The following ASB10 variants were observed in gnomAD, a reference collection of about 807,000 sequenced individuals.
ASB10 encodes ankyrin repeat and SOCS box protein 10.
Under a neutral mutation model 35.4 loss-of-function variants are expected in ASB10, and 44 were observed. The ratio of observed to expected loss-of-function variants is 1.24; its 90% CI spans 0.98 to 1.60. The LOEUF (loss-of-function observed/expected upper bound fraction) is 1.60, where lower values mean the gene tolerates loss of function less well. ASB10 is among the 40% of genes most tolerant of loss of function. ASB10 has a pLI of 0.00. For synonymous variants in ASB10, 294 were observed against 280.4 expected (o/e 1.05, Z -0.49); for missense variants, 647 against 634.3 (o/e 1.02, Z -0.22).
intron 2 of ASB10, 90 bp from the exon 3 acceptor site, chr7:151,181,548 A>G: frequency 6.9e-7 from 1 of 1,440,238 alleles, no homozygotes; most frequent in Non-Finnish European, 9.1e-7. Context: ...GTCTCCCCCC[A>G]CCCACCCTCC....
upstream of ASB10, chr7:151,187,457 T>C: frequency 6.4e-7 from 1 of 1,551,290 alleles, no homozygotes. The surrounding 1 kb of genome is among the most constrained non-coding windows in gnomAD (Gnocchi z 5.3). Flanking sequence ...CTCACCCCTC[T>C]GGTGGCTGCT....
intron 3 of ASB10, 75 bp from the exon 4 acceptor site, chr7:151,176,751 G>C (rs1158065453): frequency 9.2e-7 from 1 of 1,085,908 alleles, no homozygotes; most frequent in African/African-American, 1.6e-5. Context: ...TAGTTGTTGT[G>C]GGTTGAACTT....
intron 3 of ASB10, among the ~76,000 whole-genome samples, chr7:151,179,718 T>A (rs549305899): frequency 6.6e-6 from 1 of 152,260 alleles, no homozygotes; most frequent in Non-Finnish European, 1.5e-5. Context: ...GCCCCTTTGG[T>A]CCCAGAGACA....
In ASB10 at chr7:151,175,877, C is replaced by T; in HGVS notation, c.*90G>A. The stretch of plus-strand genomic sequence containing the variant: ...GCCTGCGGAGCTGGGCCTCCTGCTG[C>T]CAGGGCTACCTGGCCTGAGTTAGTG... On this transcript the variant is annotated 3_prime_UTR_variant, in exon 6 of 6. Transcript: ENST00000420175. 1 of 522,470 alleles carries T rather than the reference C, an allele frequency of 1.9e-6. No homozygotes were observed. The highest frequency in any genetic ancestry group is 3.4e-5 in the East Asian group (1 of 29,494). 32.4% of individuals were successfully genotyped at this position (522,470 alleles called of 1,614,324 possible). A position where few individuals can be genotyped will look rare whatever the true frequency, so the allele number is the denominator to read the frequency against.
chr7:151,184,387 T>C lies in ASB10; in HGVS notation c.584+2005A>G, dbSNP rs550451541. Among the ~76,000 whole-genome samples the C allele has an allele frequency of 8.3e-5, 12 of 144,722 alleles. No individual in the cohort carries two copies. In the South Asian group the frequency reaches 2.6e-3, roughly 32 times the overall value. 94.9% of individuals were successfully genotyped at this position (144,722 alleles called of 152,430 possible). On this transcript the variant is annotated intron_variant, in intron 2 of 5. Coordinates refer to ENST00000420175, the MANE Select transcript of ASB10 (RefSeq NM_001142459.2). ...GATATCACGCCACTGCACTCCAGCC[T>C]GGGCGACAGAGTAAAAAAAAAAAAA...
At chr7:151,187,760 G>A (rs892866398), upstream of ASB10, 4 of 1,450,464 alleles carry the variant, frequency 2.8e-6, no homozygotes, top group Non-Finnish European at 2.7e-6. This position sits in a 1 kb window ranked among gnomAD's most constrained non-coding sequence, Gnocchi z 5.3. Context: ...ACGACTCCCA[G>A]CGATGTTGCT....
chr7:151,181,414 C>T lies in ASB10; in HGVS notation c.629G>A (p.Arg210Gln), dbSNP rs748235039. The T allele has an allele frequency of 4.0e-5, 65 of 1,608,872 alleles. 1 individual carries two copies. In the Middle Eastern group the frequency reaches 4.9e-4, roughly 12 times the overall value. The change falls in exon 3 of 6, where the codon CGG (arginine) becomes CAG (glutamine). Residue 210 changes from arginine to glutamine, a missense_variant. Transcript: ENST00000420175. ...AGGGGTCTCCTCTTCTTCCTCGGAC[C>T]GACCATCCACTCTCGCTCCAAACCT... ...LLRFGARVDG[R>Q]SEEEEETPLH... is the part of the protein sequence containing the mutation.
Position 151,181,043 on chromosome 7 carries a change from C to A in ASB10, c.1000G>T (p.Ala334Ser). 6.2e-7 allele frequency: 1 copy of A among 1,611,392 alleles called. No homozygotes were observed. Among genetic ancestry groups the A allele is most frequent in the South Asian group, 1.1e-5 (1 of 91,060 alleles). ...DYGGHTPLHC[A>S]LQGPAAALAQ... is the part of the protein sequence containing the mutation. ...AGGGCTGCAGCTGGGCCCTGCAGAG[C>A]ACAGTGCAGGGGCGTGTGTCCCCCA... Residue 334 changes from alanine to serine, a missense_variant, in exon 3 of 6, where the codon GCT becomes TCT. Coordinates refer to ENST00000420175, the MANE Select transcript of ASB10 (RefSeq NM_001142459.2).
intron 3 of ASB10, among the ~76,000 whole-genome samples, chr7:151,180,378 T>C (rs1051092153): frequency 3.9e-4 from 60 of 152,314 alleles, no homozygotes; most frequent in African/African-American, 1.3e-3. Context: ...GTGGGTCCTA[T>C]TAGATTCTCA....
At chr7:151,183,735 G>A (rs192226434) in intron 2 of ASB10, among the ~76,000 whole-genome samples, 38 of 152,166 alleles carry the variant, frequency 2.5e-4, no homozygotes, top group Middle Eastern at 6.8e-3. Context: ...ACAGGTGCCC[G>A]CCACCATGTC....
intron 3 of ASB10, among the ~76,000 whole-genome samples, chr7:151,179,211 C>T (rs2150556241): frequency 6.6e-6 from 1 of 152,306 alleles, no homozygotes; most frequent in Middle Eastern, 3.4e-3. Flanking sequence ...ATGAAGAAGG[C>T]ATAGTATCAT....
Position 151,180,939 on chromosome 7 carries a change from C to T in ASB10, c.1104G>A (p.Lys368=), listed in dbSNP as rs1050716104. 1.1e-5 allele frequency: 17 copies of T among 1,525,020 alleles called. No homozygotes were observed. Among genetic ancestry groups the T allele is most frequent in the Non-Finnish European group, 1.4e-5 (16 of 1,133,352 alleles). 94.5% of individuals were successfully genotyped at this position (1,525,020 alleles called of 1,614,324 possible). ...AVRVWPGALP[K]VLERWSTCPR... is the part of the protein sequence containing the mutation. ...CTCCTGCTGCCTGCAGCCCCCATAC[C>T]TTGGGGAGGGCCCCTGGCCAGACAC... is the stretch of plus-strand genomic sequence containing the variant. The change falls in exon 3 of 6, where the codon AAG becomes AAA. Residue 368 remains lysine, a splice_region_variant and synonymous_variant. Transcript: ENST00000420175.
chr7:151,187,663 G>T, upstream of ASB10: 1 of 1,516,792 alleles, frequency 6.6e-7, no homozygotes, highest in Admixed American at 2.0e-5. This position sits in a 1 kb window ranked among gnomAD's most constrained non-coding sequence, Gnocchi z 5.3. Context: ...AGGCCGGGGC[G>T]GAGGGAAGGC....
intron 2 of ASB10, among the ~76,000 whole-genome samples, chr7:151,183,451 A>G (rs994346309): frequency 3.9e-5 from 6 of 152,092 alleles, no homozygotes; most frequent in East Asian, 1.9e-4. Flanking sequence ...TCTGTCACCC[A>G]GGCTGGAATA....
At chr7:151,181,597 A>C (rs1040851106) in intron 2 of ASB10, 139 bp from the exon 3 acceptor site, 2 of 1,337,666 alleles carry the variant, frequency 1.5e-6, no homozygotes, top group Non-Finnish European at 2.0e-6. Flanking sequence ...CCATTCTGCA[A>C]GATCAACAGT....
intron 1 of ASB10, 42 bp downstream of exon 1, chr7:151,186,772 TC>T: frequency 1.3e-6 from 2 of 1,537,630 alleles, no homozygotes; most frequent in Non-Finnish European, 8.8e-7. Flanking sequence ...ATCTGCAGCC[TC>T]CCCTCTCTCC....
At position 151,181,143 on chromosome 7, in the gene ASB10, C is replaced by T. The variant is rs1207229967; in HGVS notation, c.900G>A (p.Leu300=). The change falls in exon 3 of 6, where the codon CTG becomes CTA. Residue 300 remains leucine (L), a synonymous_variant. Transcript: ENST00000420175. ...ADQDKQRPLH[L]ACRRGHAAVV... The stretch of plus-strand genomic sequence containing the variant: ...CAGCTGCATGGCCACGGCGGCAGGC[C>T]AGGTGCAGGGGTCGCTGCTTGTCCT... 6 of 1,610,880 alleles carry T rather than the reference C, an allele frequency of 3.7e-6. No individual in the cohort carries two copies. The East Asian group carries it at 1.1e-4, about 30-fold the overall frequency.
chr7:151,180,799 T>C (rs1406494751), intron 3 of ASB10, 140 bp downstream of exon 3: 2 of 1,393,558 alleles, frequency 1.4e-6, no homozygotes, highest in South Asian at 3.4e-5. Flanking sequence ...ATTTGGGCTT[T>C]GCTTACATGC....
chr7:151,180,823 G>T, intron 3 of ASB10, 116 bp downstream of exon 3: 1 of 1,403,294 alleles, frequency 7.1e-7, no homozygotes, highest in Non-Finnish European at 9.3e-7. Flanking sequence ...ATGAAAGACA[G>T]ACAGAAGGAA....
Sources: gnomAD v4.1 joint callset for allele counts (sites outside exome capture counted in the v4.1 genomes callset) on GRCh38, gnomAD v4.1.1 for gene constraint, Gnocchi (gnomAD v3.1) non-coding constraint, MANE v1.5 for transcripts, NCBI Gene and HGNC (gene_info 2026-07-23, HGNC 2026-07-21) for gene names.